Variants in ULK4 observed in about 807,000 individuals in gnomAD.
ULK4 encodes the protein inactive serine/threonine-protein kinase ULK4.
Under a neutral mutation model 160.6 loss-of-function variants are expected in ULK4, and 133 were observed. The ratio of observed to expected loss-of-function variants is 0.83; its 90% CI spans 0.72 to 0.96. The LOEUF (loss-of-function observed/expected upper bound fraction) is 0.96, where lower values mean the gene tolerates loss of function less well. Ranked by LOEUF, ULK4 falls within the 40% of genes least tolerant of loss-of-function variation. ULK4 has a pLI of 0.00. For missense variants in ULK4, 1,580 were observed against 1,499.5 expected, an observed-to-expected ratio of 1.05 and a Z score of -0.89; for synonymous variants, 534 against 539.8, an observed-to-expected ratio of 0.99 and a Z score of 0.15.
intron 17 of ULK4, among the ~76,000 whole-genome samples, chr3:41,873,616 C>A (rs538856379): frequency 2.0e-5 from 3 of 152,128 alleles, no homozygotes; most frequent in Non-Finnish European, 4.4e-5. Flanking sequence ...CGCAGTTGTG[C>A]GATCTCAGCT....
intron 34 of ULK4, among the ~76,000 whole-genome samples, chr3:41,431,365 A>G (rs2082902659): frequency 8.1e-6 from 1 of 123,760 alleles, no homozygotes; most frequent in Non-Finnish European, 1.5e-5. Flanking sequence ...AAATAATAAT[A>G]ATAATAATAA....
intron 22 of ULK4, among the ~76,000 whole-genome samples, chr3:41,752,354 C>T (rs1195593550): frequency 1.3e-5 from 2 of 152,102 alleles, no homozygotes; most frequent in East Asian, 1.9e-4. Flanking sequence ...TAAATAGACA[C>T]GAGCAACTTC....
chr3:41,397,751 T>C (rs1046492538), intron 35 of ULK4, among the ~76,000 whole-genome samples: 11 of 152,184 alleles, frequency 7.2e-5, no homozygotes, highest in Non-Finnish European at 1.0e-4. Flanking sequence ...AGGAATTTTA[T>C]CAGTGTTAAA....
chr3:41,667,112 C>G (rs973024450), intron 29 of ULK4, among the ~76,000 whole-genome samples: 3 of 151,736 alleles, frequency 2.0e-5, no homozygotes, highest in Non-Finnish European at 4.4e-5. Flanking sequence ...TACGATGGCA[C>G]CAGTACACTT....
chr3:41,373,590 A>G (rs2081417815), intron 35 of ULK4, among the ~76,000 whole-genome samples: 1 of 152,234 alleles, frequency 6.6e-6, no homozygotes, highest in Non-Finnish European at 1.5e-5. Flanking sequence ...GAAACCAATG[A>G]GAATAAAGAC....
At chr3:41,807,017 A>G (rs1375719314) in intron 19 of ULK4, among the ~76,000 whole-genome samples, 4 of 152,036 alleles carry the variant, frequency 2.6e-5, no homozygotes, top group Admixed American at 1.3e-4. Flanking sequence ...AGTCCCTGCT[A>G]CTTGGGAAGC....
intron 19 of ULK4, among the ~76,000 whole-genome samples, chr3:41,803,394 T>G (rs1196634743): frequency 6.6e-6 from 1 of 152,182 alleles, no homozygotes; most frequent in Non-Finnish European, 1.5e-5. Context: ...TAATTTGAGA[T>G]GAATCACAAA....
intron 31 of ULK4, among the ~76,000 whole-genome samples, chr3:41,610,970 T>C (rs1335012146): frequency 1.3e-5 from 2 of 152,216 alleles, no homozygotes; most frequent in African/African-American, 2.4e-5. Flanking sequence ...CTCCAAAGGC[T>C]GATACATCCA....
chr3:41,378,236 AG>A (rs1478917434), intron 35 of ULK4, among the ~76,000 whole-genome samples: 1 of 33,290 alleles, frequency 3.0e-5, no homozygotes, highest in Admixed American at 4.3e-4. Flanking sequence ...GGGTGGGGGG[AG>A]GGGGGAGGGA....
At chr3:41,635,383 A>T (rs1295814685) in intron 30 of ULK4, among the ~76,000 whole-genome samples, 1 of 152,052 alleles carries the variant, frequency 6.6e-6, no homozygotes, top group Non-Finnish European at 1.5e-5. Context: ...GTTTTGTCCT[A>T]ATTATAAAAA....
intron 35 of ULK4, among the ~76,000 whole-genome samples, chr3:41,316,266 T>G (rs2080141334): frequency 6.6e-6 from 1 of 152,152 alleles, no homozygotes; most frequent in Admixed American, 6.5e-5. Flanking sequence ...TTATACTAAG[T>G]GAAAGAGGTC....
chr3:41,304,273 C>CAAAAAAAAAA (rs368282598), intron 35 of ULK4, among the ~76,000 whole-genome samples: 2,911 of 89,090 alleles, frequency 0.033, 129 homozygotes, highest in East Asian at 0.11. Context: ...AGCTCCCCCT[C>CAAAAAAAAAA]AAAAAAAAAA....
chr3:41,400,358 C>T (rs2082153824), intron 34 of ULK4, among the ~76,000 whole-genome samples: 1 of 151,936 alleles, frequency 6.6e-6, no homozygotes, highest in African/African-American at 2.4e-5. Flanking sequence ...AGCCAACACC[C>T]ACTCTCCTCC....
At chr3:41,921,459 C>CA (rs1426055033) in intron 5 of ULK4, among the ~76,000 whole-genome samples, 5 of 151,242 alleles carry the variant, frequency 3.3e-5, no homozygotes, top group Non-Finnish European at 7.4e-5. Context: ...AAAAAAAATA[C>CA]AAAAAATTAG....
chr3:41,263,381 A>G (rs1160939040), intron 35 of ULK4, among the ~76,000 whole-genome samples: 1 of 152,164 alleles, frequency 6.6e-6, no homozygotes, highest in Non-Finnish European at 1.5e-5. Context: ...AGAGCTTAAC[A>G]GGGCCTGTTT....
At chr3:41,677,384 T>A (rs1575559526) in intron 29 of ULK4, among the ~76,000 whole-genome samples, 1 of 149,480 alleles carries the variant, frequency 6.7e-6, no homozygotes, top group Non-Finnish European at 1.5e-5. Context: ...CAGGCTGGAG[T>A]GCAGTGGCAC....
At chr3:41,290,800 C>T (rs2079544803) in intron 35 of ULK4, among the ~76,000 whole-genome samples, 1 of 152,172 alleles carries the variant, frequency 6.6e-6, no homozygotes, top group South Asian at 2.1e-4. Flanking sequence ...CTGTTCTCAC[C>T]CTTCTATGTT....
intron 35 of ULK4, among the ~76,000 whole-genome samples, chr3:41,392,760 C>A (rs910650379): frequency 1.3e-5 from 2 of 152,144 alleles, no homozygotes; most frequent in Non-Finnish European, 2.9e-5. Flanking sequence ...GGGAGCTTGT[C>A]TTTTCCTCCT....
chr3:41,816,687 GTGT>G (rs2040974370), intron 19 of ULK4, among the ~76,000 whole-genome samples: 1 of 151,838 alleles, frequency 6.6e-6, no homozygotes, highest in South Asian at 2.1e-4. Flanking sequence ...TAGTATGCAT[GTGT>G]AGTCCCAGCT....
Sources: gnomAD v4.1 joint callset for allele counts (sites outside exome capture counted in the v4.1 genomes callset) on GRCh38, gnomAD v4.1.1 for gene constraint, MANE v1.5 for transcripts, NCBI Gene and HGNC (gene_info 2026-07-23, HGNC 2026-07-21) for gene names.